Variants in EFL1 observed in about 807,000 individuals in gnomAD.
EFL1 encodes elongation factor like GTPase 1, also known as elongation factor-like GTPase 1.
Under a neutral mutation model 126.7 loss-of-function variants are expected in EFL1, and 76 were observed. That is an observed-to-expected ratio of 0.60 (90% CI 0.50 to 0.73). The LOEUF is 0.73. EFL1 is among the 30% of genes least tolerant of loss of function. The pLI is 0.00. For missense variants in EFL1, 1,128 were observed against 1,343.2 expected (o/e 0.84, Z 2.50); for synonymous variants, 410 against 448.4 (o/e 0.91, Z 1.08).
chr15:82,223,133 T>C (rs985915042), intron 12 of EFL1, among the ~76,000 whole-genome samples: 2 of 152,136 alleles, frequency 1.3e-5, no homozygotes, highest in South Asian at 2.1e-4. Context: ...ACTAATACAT[T>C]GTACTCTATA....
intron 15 of EFL1, among the ~76,000 whole-genome samples, chr15:82,182,561 T>C (rs1000484198): frequency 6.6e-6 from 1 of 152,016 alleles, no homozygotes; most frequent in South Asian, 2.1e-4. Context: ...CGGTGGCTCA[T>C]GCCTGTAATC....
intron 15 of EFL1, among the ~76,000 whole-genome samples, chr15:82,187,008 C>T (rs1297072992): frequency 6.6e-6 from 1 of 152,222 alleles, no homozygotes; most frequent in African/African-American, 2.4e-5. Flanking sequence ...TTTCCTTGAA[C>T]TCTGAGTAGA....
chr15:82,227,545 G>A lies in EFL1; in HGVS notation c.1097C>T (p.Pro366Leu). The A allele has an allele frequency of 6.2e-7, 1 of 1,614,076 alleles. No individual in the cohort carries two copies. Among genetic ancestry groups the A allele is most frequent in the Non-Finnish European group, 8.5e-7 (1 of 1,179,984 alleles). ...CACTCTCTCAGCTGTAATATCAAGG[G>A]GACTAGGAAGTTTCTGACACACCAT... ...LAMVCQKLPS[P>L]LDITAERVER... is the part of the protein sequence containing the mutation. The change falls in exon 11 of 20, where the codon CCC becomes CTC. Residue 366 changes from proline (P) to leucine (L), a missense_variant. Physicochemically the swap from Pro to Leu is moderately conservative, Grantham distance 98. Transcript: ENST00000268206.
At chr15:82,180,364 AAAAAAAAAC>A (rs2074237974) in intron 15 of EFL1, among the ~76,000 whole-genome samples, 1 of 85,204 alleles carries the variant, frequency 1.2e-5, no homozygotes, top group Non-Finnish European at 2.3e-5. Flanking sequence ...ACTGGCAAAA[AAAAAAAAAC>A]AAAAAAAAAA....
Position 82,152,357 on chromosome 15 carries a change from G to A in EFL1, c.2097C>T (p.Pro699=). 1 of 1,613,542 alleles carries A rather than the reference G, an allele frequency of 6.2e-7. No individual in the cohort carries two copies. Among genetic ancestry groups the A allele is most frequent in the Non-Finnish European group, 8.5e-7 (1 of 1,180,006 alleles). The part of the protein sequence containing the change: ...IIPFRETITK[P]PKVDMVNEEI... ...CTTCATTGACCATGTCAACTTTTGGGGGTTTTGTGATTGTTTCTCTGAATG... is the reference window on the plus strand; with the variant it reads ...CTTCATTGACCATGTCAACTTTTGGAGGTTTTGTGATTGTTTCTCTGAATG... The change falls in exon 18 of 20, where the codon CCC becomes CCT. Residue 699 remains proline (P), a synonymous_variant. Coordinates refer to ENST00000268206, the MANE Select transcript of EFL1 (RefSeq NM_024580.6).
chr15:82,253,199 C>T (rs1394168290), intron 3 of EFL1, among the ~76,000 whole-genome samples: 1 of 152,126 alleles, frequency 6.6e-6, no homozygotes, highest in Non-Finnish European at 1.5e-5. Context: ...GCTAACACAC[C>T]TGGCTAATTT....
intron 16 of EFL1, among the ~76,000 whole-genome samples, chr15:82,158,577 C>T (rs922142927): frequency 3.2e-4 from 49 of 152,268 alleles, no homozygotes; most frequent in Middle Eastern, 3.4e-3. Context: ...AAACCTTGGT[C>T]TTAAAGACGT....
chr15:82,157,617 A>C, intron 17 of EFL1, 96 bp downstream of exon 17: 1 of 1,380,552 alleles, frequency 7.2e-7, no homozygotes, highest in Non-Finnish European at 9.7e-7. Context: ...TTCTCCAAAA[A>C]TAAGCCGCAG....
intron 1 of EFL1, 71 bp downstream of exon 1, chr15:82,262,543 A>G (rs2075137684): frequency 4.5e-6 from 1 of 222,702 alleles, no homozygotes; most frequent in African/African-American, 2.4e-5. Flanking sequence ...AGCCGCAGCG[A>G]GCGGGTTCCT....
At chr15:82,174,254 C>T (rs1460905189) in intron 15 of EFL1, 1 of 151,970 alleles carries the variant, frequency 6.6e-6, no homozygotes, top group Non-Finnish European at 1.5e-5. Context: ...GTTCTCTCTA[C>T]CACAAAGTAT....
At chr15:82,149,901 G>C (rs1398114827) in intron 18 of EFL1, among the ~76,000 whole-genome samples, 1 of 152,148 alleles carries the variant, frequency 6.6e-6, no homozygotes, top group Non-Finnish European at 1.5e-5. Flanking sequence ...CATTTGTCGG[G>C]GTAGGAGAGG....
At chr15:82,209,310 GACACAGACAC>G (rs1308546630) in intron 15 of EFL1, among the ~76,000 whole-genome samples, 55 of 94,940 alleles carry the variant, frequency 5.8e-4, no homozygotes, top group African/African-American at 2.0e-3. Context: ...TTCACACACA[GACACAGACAC>G]ACACACACAC....
intron 14 of EFL1, among the ~76,000 whole-genome samples, chr15:82,217,395 A>AC (rs1227865775): frequency 2.9e-5 from 4 of 139,250 alleles, no homozygotes; most frequent in South Asian, 2.2e-4. Flanking sequence ...AAAAAAAAAA[A>AC]CGAAAACAGC....
At chr15:82,238,204 C>T (rs2074893857) in intron 7 of EFL1, 103 bp downstream of exon 7, 2 of 1,269,824 alleles carry the variant, frequency 1.6e-6, no homozygotes, top group South Asian at 1.5e-5. Flanking sequence ...TCTCTTACAA[C>T]TATAGGTGAA....
chr15:82,208,001 G>A (rs1053720912), intron 15 of EFL1, among the ~76,000 whole-genome samples: 4 of 152,162 alleles, frequency 2.6e-5, no homozygotes, highest in Admixed American at 6.5e-5. Flanking sequence ...GATTACAGGC[G>A]TGAGCCATGG....
chr15:82,194,338 A>T (rs1418381623), intron 15 of EFL1, among the ~76,000 whole-genome samples: 1 of 152,228 alleles, frequency 6.6e-6, no homozygotes, highest in Non-Finnish European at 1.5e-5. Context: ...AAATACTGCC[A>T]GAGACACAAA....
At chr15:82,192,349 G>T (rs1432297826) in intron 15 of EFL1, among the ~76,000 whole-genome samples, 1 of 149,240 alleles carries the variant, frequency 6.7e-6, no homozygotes, top group Non-Finnish European at 1.5e-5. Context: ...GCAGTGAGCC[G>T]AGATCGCCCC....
chr15:82,214,604 T>C (rs1485399781), intron 15 of EFL1, 113 bp downstream of exon 15: 5 of 1,406,164 alleles, frequency 3.6e-6, no homozygotes, highest in African/African-American at 1.5e-5. Context: ...GAAAAAAAAA[T>C]TATCAAACTA....
At chr15:82,184,210 G>T (rs1456185484) in intron 15 of EFL1, among the ~76,000 whole-genome samples, 3 of 152,178 alleles carry the variant, frequency 2.0e-5, no homozygotes, top group Non-Finnish European at 4.4e-5. Context: ...CTGTGCAAAA[G>T]ATCTGTAGTT....
Sources: allele counts gnomAD v4.1 joint callset (sites outside exome capture counted in the v4.1 genomes callset), GRCh38; gene constraint gnomAD v4.1.1; transcripts MANE v1.5; gene names NCBI Gene and HGNC (gene_info 2026-07-23, HGNC 2026-07-21).